RXRA: variants seen among roughly 807,000 people sequenced by gnomAD.
The protein encoded by RXRA is retinoic acid receptor RXR-alpha.
Under a neutral mutation model 44.5 loss-of-function variants are expected in RXRA, and 5 were observed. The observed-to-expected ratio is 0.11, with a 90% CI of 0.06 to 0.24. The LOEUF is 0.24. Among genes scored for constraint, RXRA ranks in the 10% least tolerant of loss-of-function variants. The pLI is 1.00. For missense variants in RXRA, 412 were observed against 646.5 expected (o/e 0.64, Z 3.93); for synonymous variants, 291 against 271.4 (o/e 1.07, Z -0.71).
chr9:134,374,360 G>A (rs1830526925), intron 1 of RXRA, among the ~76,000 whole-genome samples: 1 of 152,256 alleles, frequency 6.6e-6, no homozygotes, highest in African/African-American at 2.4e-5. Flanking sequence ...CACTTCCGCA[G>A]TGTGGGCTGC....
rs1830108549 is a variant in RXRA at position 134,343,249 on chromosome 9, T to G, written c.28+16590T>G. On this transcript the variant is annotated intron_variant, in intron 1 of 9. Coordinates refer to ENST00000481739, the MANE Select transcript of RXRA (RefSeq NM_002957.6). The surrounding 1 kb of genome is among the most constrained non-coding windows in gnomAD (Gnocchi z 4.1). Reference sequence around the variant, plus strand: ...ATCTGTGACGTGGGGTGAGGGCACTTGCTGCCCAGGTGGTTGTGAGGGTTG... The same window carrying G: ...ATCTGTGACGTGGGGTGAGGGCACTGGCTGCCCAGGTGGTTGTGAGGGTTG... Among the ~76,000 whole-genome samples, 1 of 152,136 alleles carries G rather than the reference T, an allele frequency of 6.6e-6. No individual in the cohort carries two copies. Among genetic ancestry groups the G allele is most frequent in the African/African-American group, 2.4e-5 (1 of 41,426 alleles).
rs1588266889 is a variant in RXRA, at chr9:134,366,036, A to G, written c.29-35596A>G. Among the ~76,000 whole-genome samples, 1 of 151,346 alleles carries G rather than the reference A, an allele frequency of 6.6e-6. No homozygotes were observed. Among genetic ancestry groups the G allele is most frequent in the African/African-American group, 2.4e-5 (1 of 41,114 alleles). ...GGCGGCTGCCTCCACCCCTGCCTCC[A>G]CCCCTCCCTTTTTGGGAGGTGGGGC... is the stretch of plus-strand genomic sequence containing the variant. On this transcript the variant is annotated intron_variant, in intron 1 of 9. Transcript: ENST00000481739. The surrounding 1 kb of genome is among the most constrained non-coding windows in gnomAD (Gnocchi z 5.9).
intron 1 of RXRA, among the ~76,000 whole-genome samples, chr9:134,369,201 TGG>T (rs1335432121): frequency 5.2e-5 from 2 of 38,136 alleles, no homozygotes; most frequent in African/African-American, 2.4e-4. Flanking sequence ...TGTGTGTGTG[TGG>T]GGTTATGTGT....
At chr9:134,402,060 TGG>T (rs1390384275) in intron 2 of RXRA, 178 bp downstream of exon 2, 1 of 602,230 alleles carries the variant, frequency 1.7e-6, no homozygotes. Flanking sequence ...TGAGCCCAGG[TGG>T]GGCTGACTGC....
chr9:134,355,808 G>C (rs1259274175), intron 1 of RXRA, among the ~76,000 whole-genome samples: 3 of 152,184 alleles, frequency 2.0e-5, no homozygotes, highest in African/African-American at 7.2e-5. Flanking sequence ...CTGTGCAGGA[G>C]AATTCCTCCC....
chr9:134,364,472 T>C (rs1564270921), intron 1 of RXRA, among the ~76,000 whole-genome samples: 1 of 152,212 alleles, frequency 6.6e-6, no homozygotes, highest in Non-Finnish European at 1.5e-5. Context: ...GGTCCGGCTG[T>C]CATGGGCTCT....
chr9:134,432,991 T>A (rs981017923), intron 8 of RXRA, among the ~76,000 whole-genome samples: 3 of 151,128 alleles, frequency 2.0e-5, no homozygotes, highest in Non-Finnish European at 3.0e-5. Context: ...GTGGCTGGGG[T>A]GTGGAGGGAG....
intron 1 of RXRA, among the ~76,000 whole-genome samples, chr9:134,386,348 G>A (rs1327655210): frequency 2.6e-5 from 4 of 152,252 alleles, no homozygotes; most frequent in Admixed American, 1.3e-4. Context: ...TCTGTCGGGC[G>A]GTGGACTGGC....
rs368015592 is a variant in RXRA, at chr9:134,368,756, G to T, written c.29-32876G>T. Among the ~76,000 whole-genome samples, 513 of 124,106 alleles carry T rather than the reference G, an allele frequency of 4.1e-3. 3 individuals carry two copies. Among genetic ancestry groups the T allele is most frequent in the African/African-American group, 0.022 (491 of 22,402 alleles). The allele number at this position is 124,106 out of a possible 152,430, so 81.4% of individuals were successfully genotyped here. A position where few individuals can be genotyped will look rare whatever the true frequency, so the allele number is the denominator to read the frequency against. ...TGGATGTGACTGGGTGAGTGTGGAT[G>T]TGTGTGTGACTGTGAGTGTGTTTGG... is the stretch of plus-strand genomic sequence containing the variant. On this transcript the variant is annotated intron_variant, in intron 1 of 9. Transcript: ENST00000481739.
intron 1 of RXRA, among the ~76,000 whole-genome samples, chr9:134,339,108 C>T (rs1176571574): frequency 7.4e-6 from 1 of 135,544 alleles, no homozygotes; most frequent in East Asian, 2.0e-4. Context: ...GTGGTCACCC[C>T]CCCTGGGGTT....
chr9:134,344,344 G>A (rs1830122977), intron 1 of RXRA, among the ~76,000 whole-genome samples: 1 of 152,204 alleles, frequency 6.6e-6, no homozygotes, highest in Non-Finnish European at 1.5e-5. Flanking sequence ...TGTCTGGAGA[G>A]ACTTGTGGGG....
intron 1 of RXRA, among the ~76,000 whole-genome samples, chr9:134,396,538 T>C (rs796393774): frequency 3.4e-4 from 52 of 151,984 alleles, no homozygotes; most frequent in African/African-American, 1.2e-3. Flanking sequence ...GCAGGTGGCA[T>C]AGGGTTGCAG....
intron 5 of RXRA, among the ~76,000 whole-genome samples, chr9:134,419,451 C>T (rs778038478): frequency 1.3e-5 from 2 of 152,194 alleles, no homozygotes; most frequent in Non-Finnish European, 2.9e-5. Flanking sequence ...CCCGCTCACT[C>T]CCTGCTCTGT....
intron 1 of RXRA, among the ~76,000 whole-genome samples, chr9:134,386,217 C>A (rs1050355917): frequency 1.3e-5 from 2 of 152,250 alleles, no homozygotes; most frequent in African/African-American, 2.4e-5. Flanking sequence ...GCCCGCTCAG[C>A]CGCCGCGCTG....
At chr9:134,374,552 C>T (rs976593417) in intron 1 of RXRA, among the ~76,000 whole-genome samples, 2 of 152,204 alleles carry the variant, frequency 1.3e-5, no homozygotes, top group Non-Finnish European at 2.9e-5. Flanking sequence ...GGGCACCCCC[C>T]GCCTCCGGTC....
intron 2 of RXRA, chr9:134,404,590 G>A (rs1046202576): frequency 3.3e-5 from 5 of 152,488 alleles, no homozygotes; most frequent in African/African-American, 1.2e-4. Flanking sequence ...CTCCTGGTGG[G>A]AGGGCCTGCC....
At chr9:134,420,113 A>G (rs2119182869) in intron 5 of RXRA, among the ~76,000 whole-genome samples, 1 of 152,284 alleles carries the variant, frequency 6.6e-6, no homozygotes, top group African/African-American at 2.4e-5. Context: ...TCCTGGGTAC[A>G]AGGATCCCCA....
intron 6 of RXRA, 114 bp downstream of exon 6, chr9:134,421,919 C>A (rs1831339611): frequency 6.5e-7 from 1 of 1,531,822 alleles, no homozygotes; most frequent in Admixed American, 2.0e-5. Flanking sequence ...TGTCCTGGGA[C>A]ACTCCCCCCT....
chr9:134,326,687 CGGGGCCGGGGGCCG>C (rs1406876818), intron 1 of RXRA, 28 bp downstream of exon 1: 1 of 772,202 alleles, frequency 1.3e-6, no homozygotes, highest in Non-Finnish European at 1.6e-6. Context: ...CGGGCGGGGA[CGGGGCCGGGGGCCG>C]GGGGCCGGCG....
Sources: allele counts gnomAD v4.1 joint callset (sites outside exome capture counted in the v4.1 genomes callset), GRCh38; gene constraint gnomAD v4.1.1; non-coding constraint Gnocchi (gnomAD v3.1); transcripts MANE v1.5; gene names NCBI Gene and HGNC (gene_info 2026-07-23, HGNC 2026-07-21).